The following PRKG1 variants were observed in gnomAD, a reference collection of about 807,000 sequenced individuals.
The protein encoded by PRKG1 is cGMP-dependent protein kinase 1.
In PRKG1, 35 loss-of-function variants were observed where a neutral mutation model predicts 88.1. The ratio of observed to expected loss-of-function variants is 0.40; its 90% CI spans 0.30 to 0.53. The LOEUF (loss-of-function observed/expected upper bound fraction) is 0.53. Ranked by LOEUF, PRKG1 falls within the 20% of genes least tolerant of loss-of-function variation. The pLI is 0.59. For synonymous variants in PRKG1, 303 were observed against 292.5 expected (o/e 1.04, Z -0.37); for missense variants, 540 against 839.8 (o/e 0.64, Z 4.41).
chr10:51,574,288 T>C (rs1837831383), intron 3 of PRKG1, among the ~76,000 whole-genome samples: 2 of 151,974 alleles, frequency 1.3e-5, no homozygotes, highest in Non-Finnish European at 2.9e-5. Flanking sequence ...GATTCAGTTG[T>C]AAATATGACC....
chr10:51,744,790 C>T (rs1007843518), intron 3 of PRKG1, among the ~76,000 whole-genome samples: 1 of 152,160 alleles, frequency 6.6e-6, no homozygotes, highest in African/African-American at 2.4e-5. Context: ...TTCCAGTTGT[C>T]TCCCAGCTGA....
At chr10:52,289,875 T>C (rs1426211316) in intron 16 of PRKG1, among the ~76,000 whole-genome samples, 1 of 152,154 alleles carries the variant, frequency 6.6e-6, no homozygotes, top group Non-Finnish European at 1.5e-5. Context: ...GCCCTGGTTC[T>C]ACCTCCTTAA....
chr10:51,896,645 TAAAAAAAA>T (rs10649150), intron 4 of PRKG1, among the ~76,000 whole-genome samples: 8 of 95,004 alleles, frequency 8.4e-5, no homozygotes, highest in Non-Finnish European at 1.2e-4. Flanking sequence ...CCCTGTCTCT[TAAAAAAAA>T]AAAAAAAAAA....
intron 4 of PRKG1, among the ~76,000 whole-genome samples, chr10:51,855,257 C>G (rs1840651160): frequency 6.6e-6 from 1 of 152,030 alleles, no homozygotes; most frequent in Non-Finnish European, 1.5e-5. Flanking sequence ...ATGACTTGTC[C>G]CCTGTCACTC....
At chr10:51,125,835 A>G (rs1431751135) in intron 1 of PRKG1, among the ~76,000 whole-genome samples, 5 of 142,188 alleles carry the variant, frequency 3.5e-5, no homozygotes, top group Non-Finnish European at 7.6e-5. Flanking sequence ...TATGTAATTT[A>G]TATAATTTAA....
chr10:52,285,187 TC>T (rs1372138103), intron 14 of PRKG1, among the ~76,000 whole-genome samples: 1 of 151,928 alleles, frequency 6.6e-6, no homozygotes, highest in Admixed American at 6.6e-5. Context: ...AGGATCCATC[TC>T]CCCCACCAAC....
intron 1 of PRKG1, among the ~76,000 whole-genome samples, chr10:51,080,265 T>C (rs933233926): frequency 2.6e-5 from 4 of 152,166 alleles, no homozygotes; most frequent in Admixed American, 6.5e-5. Flanking sequence ...AGCTCTTAAA[T>C]AGAATGGCTC....
chr10:52,061,373 G>A (rs866655257), intron 6 of PRKG1, among the ~76,000 whole-genome samples: 2 of 152,020 alleles, frequency 1.3e-5, no homozygotes, highest in African/African-American at 2.4e-5. Flanking sequence ...TTAAGTGTTT[G>A]GCATTGTCTC....
chr10:51,804,634 A>G lies in PRKG1; in HGVS notation c.642A>G (p.Thr214=), dbSNP rs370640208. The G allele has an allele frequency of 2.6e-5, 42 of 1,604,976 alleles. No homozygotes were observed. The highest frequency in any genetic ancestry group is 3.5e-5 in the Non-Finnish European group (41 of 1,172,074). Residue 214 remains threonine, a synonymous_variant, in exon 4 of 18, where the codon ACA becomes ACG. Coordinates refer to ENST00000373980, the MANE Select transcript of PRKG1 (RefSeq NM_006258.4). ...CCATTGATCGACAATGTTTTCAAAC[A>G]ATAATGATGAGGACAGGACTCATCA... The part of the protein sequence containing the change: ...LWAIDRQCFQ[T]IMMRTGLIKH...
chr10:51,995,943 CAAAAGCAAAAAT>C (rs1215833646), intron 5 of PRKG1, among the ~76,000 whole-genome samples: 3 of 151,908 alleles, frequency 2.0e-5, no homozygotes, highest in Non-Finnish European at 4.4e-5. Flanking sequence ...GCACAAGCAA[CAAAAGCAAAAAT>C]ATATCAGTGG....
chr10:52,291,765 C>A (rs1842253347), intron 17 of PRKG1, among the ~76,000 whole-genome samples: 2 of 151,774 alleles, frequency 1.3e-5, no homozygotes, highest in Admixed American at 1.3e-4. Context: ...TGGGTATATA[C>A]CCAGTAATGG....
chr10:51,502,922 T>A (rs1442613849), intron 3 of PRKG1, among the ~76,000 whole-genome samples: 1 of 152,168 alleles, frequency 6.6e-6, no homozygotes. Context: ...CTATTTCTGT[T>A]TTTCAAAGAT....
At chr10:52,068,673 T>C (rs1196027464) in intron 7 of PRKG1, among the ~76,000 whole-genome samples, 1 of 145,728 alleles carries the variant, frequency 6.9e-6, no homozygotes, top group Non-Finnish European at 1.6e-5. Flanking sequence ...TTTATCTACA[T>C]CATCATCTTC....
At chr10:51,170,401 A>G (rs9415758) in intron 2 of PRKG1, among the ~76,000 whole-genome samples, 9,913 of 151,292 alleles carry the variant, frequency 0.066, 682 homozygotes, top group African/African-American at 0.17. Flanking sequence ...ACACTCAATC[A>G]GTAGTTCACA....
intron 8 of PRKG1, among the ~76,000 whole-genome samples, chr10:52,157,314 T>G (rs1038545244): frequency 8.7e-4 from 38 of 43,556 alleles, no homozygotes; most frequent in East Asian, 5.8e-3. Context: ...TTGATATATA[T>G]ATATATATAT....
intron 2 of PRKG1, among the ~76,000 whole-genome samples, chr10:51,200,060 A>G (rs1211420157): frequency 1.3e-5 from 2 of 152,244 alleles, no homozygotes; most frequent in Admixed American, 6.5e-5. Flanking sequence ...AATAGTAAGT[A>G]TCAGGACACA....
intron 8 of PRKG1, among the ~76,000 whole-genome samples, chr10:52,156,673 TAAATA>T (rs1193683766): frequency 6.6e-6 from 1 of 151,724 alleles, no homozygotes; most frequent in Non-Finnish European, 1.5e-5. Context: ...TGTCCCGTTA[TAAATA>T]AAATAAACAA....
intron 3 of PRKG1, among the ~76,000 whole-genome samples, chr10:51,495,233 T>C (rs112167620): frequency 1.1e-4 from 16 of 152,320 alleles, no homozygotes; most frequent in Non-Finnish European, 2.9e-5. Context: ...TGGCTGGGAC[T>C]ACAGGCGAGC....
chr10:51,726,937 C>G (rs1842146140), intron 3 of PRKG1, among the ~76,000 whole-genome samples: 1 of 149,422 alleles, frequency 6.7e-6, no homozygotes, highest in South Asian at 2.1e-4. Context: ...CTACCACACC[C>G]AGCTCATTTT....
Sources: allele counts gnomAD v4.1 joint callset (sites outside exome capture counted in the v4.1 genomes callset), GRCh38; gene constraint gnomAD v4.1.1; transcripts MANE v1.5; gene names NCBI Gene and HGNC (gene_info 2026-07-23, HGNC 2026-07-21).